NTRK2: variants seen among roughly 807,000 people sequenced by gnomAD.
The protein encoded by NTRK2 is BDNF/NT-3 growth factors receptor.
NTRK2 carries 13 observed loss-of-function variants against 94.5 expected under a neutral mutation model. The ratio of observed to expected loss-of-function variants is 0.14; its 90% confidence interval spans 0.09 to 0.22. NTRK2 has a LOEUF of 0.22. NTRK2 is among the 10% of genes least tolerant of loss of function. The pLI is 1.00. For synonymous variants in NTRK2, 372 were observed against 407.4 expected (o/e 0.91, Z 1.05); for missense variants, 639 against 1,071.2 (o/e 0.60, Z 5.63).
At chr9:84,866,392 C>A (rs1050149580) in intron 13 of NTRK2, among the ~76,000 whole-genome samples, 1 of 152,064 alleles carries the variant, frequency 6.6e-6, no homozygotes. Context: ...GCATATAAGT[C>A]GATGTAGAGG....
At chr9:84,964,304 G>C (rs534931674) in intron 17 of NTRK2, among the ~76,000 whole-genome samples, 2 of 152,282 alleles carry the variant, frequency 1.3e-5, no homozygotes, top group East Asian at 3.9e-4. Flanking sequence ...GCTTACTTTA[G>C]GGCTTATTTC....
intron 12 of NTRK2, among the ~76,000 whole-genome samples, chr9:84,795,385 C>T (rs186758038): frequency 6.6e-6 from 1 of 152,304 alleles, no homozygotes; most frequent in East Asian, 1.9e-4. Context: ...ACGTCTGTGC[C>T]TCTTTTGGGG....
intron 17 of NTRK2, among the ~76,000 whole-genome samples, chr9:84,990,557 CA>C (rs2133311755): frequency 6.6e-6 from 1 of 152,278 alleles, no homozygotes; most frequent in African/African-American, 2.4e-5. Flanking sequence ...CAGATAAAGG[CA>C]TGGTGGAATT....
At chr9:84,695,859 T>C (rs1417426660) in intron 2 of NTRK2, among the ~76,000 whole-genome samples, 1 of 152,218 alleles carries the variant, frequency 6.6e-6, no homozygotes, top group Non-Finnish European at 1.5e-5. Flanking sequence ...GCTCATCATA[T>C]CCTGTGGCAG....
chr9:84,805,617 G>C (rs969826544), intron 12 of NTRK2, among the ~76,000 whole-genome samples: 2 of 152,208 alleles, frequency 1.3e-5, no homozygotes, highest in Admixed American at 1.3e-4. Flanking sequence ...GGGTTGTTGA[G>C]TACACTGAAG....
Position 84,702,433 on chromosome 9 carries a change from G to T in NTRK2, c.359+14G>T. The T allele has an allele frequency of 6.2e-7, 1 of 1,609,260 alleles. No homozygotes were observed. The highest frequency in any genetic ancestry group is 1.1e-5 in the South Asian group (1 of 90,954). ...CCTGCAGCACATGTAAGTAGAGATT[G>T]ATTCTTTTGCTTCCCAGGACCCATT... On this transcript the variant is annotated intron_variant, in intron 4 of 18. Transcript: ENST00000277120.
intron 2 of NTRK2, among the ~76,000 whole-genome samples, chr9:84,701,819 C>T (rs1216483043): frequency 6.6e-6 from 1 of 152,182 alleles, no homozygotes; most frequent in Non-Finnish European, 1.5e-5. Flanking sequence ...AGAGTGGAAA[C>T]ACCTTTGAGA....
At chr9:85,005,308 G>C (rs368579212) in intron 17 of NTRK2, among the ~76,000 whole-genome samples, 39 of 152,246 alleles carry the variant, frequency 2.6e-4, no homozygotes, top group African/African-American at 9.1e-4. Context: ...AAAATGAAAG[G>C]CAGATGCAAA....
At chr9:84,684,483 T>G (rs2059590215) in intron 2 of NTRK2, among the ~76,000 whole-genome samples, 1 of 152,234 alleles carries the variant, frequency 6.6e-6, no homozygotes, top group Non-Finnish European at 1.5e-5. Flanking sequence ...TTGTCAGGTT[T>G]GTGAAAGATC....
chr9:84,741,146 T>TA (rs57485814), intron 9 of NTRK2, among the ~76,000 whole-genome samples: 118,091 of 152,032 alleles, frequency 0.78, 46,030 homozygotes, highest in East Asian at 0.89. Flanking sequence ...GATGCTGAGT[T>TA]AAAAAAATGT....
intron 2 of NTRK2, among the ~76,000 whole-genome samples, chr9:84,694,099 A>C (rs957063100): frequency 2.6e-5 from 4 of 152,180 alleles, no homozygotes; most frequent in Non-Finnish European, 5.9e-5. Context: ...CTGGATTTAC[A>C]AGTCCCCAGT....
intron 14 of NTRK2, chr9:84,876,863 G>A (rs2076086294): frequency 2.3e-5 from 24 of 1,062,626 alleles, no homozygotes; most frequent in Non-Finnish European, 2.6e-5. Flanking sequence ...TCCCTTTTAG[G>A]AGTCTTTGTT....
At chr9:84,805,409 CT>C (rs1166096459) in intron 12 of NTRK2, among the ~76,000 whole-genome samples, 2 of 152,158 alleles carry the variant, frequency 1.3e-5, no homozygotes, top group Non-Finnish European at 2.9e-5. Flanking sequence ...AGTCTAGCAC[CT>C]TTTCCCCAGT....
intron 17 of NTRK2, among the ~76,000 whole-genome samples, chr9:84,982,904 G>A (rs1827828536): frequency 1.3e-5 from 2 of 152,214 alleles, no homozygotes; most frequent in East Asian, 3.9e-4. Context: ...AAATATGTAT[G>A]TATTCAGCAG....
At chr9:84,790,141 C>A (rs2068580071) in intron 12 of NTRK2, among the ~76,000 whole-genome samples, 1 of 152,172 alleles carries the variant, frequency 6.6e-6, no homozygotes, top group South Asian at 2.1e-4. Context: ...TATGCCAGTA[C>A]TCTCTCAGAG....
At chr9:84,916,413 A>G (rs1021383639) in intron 14 of NTRK2, among the ~76,000 whole-genome samples, 2 of 152,226 alleles carry the variant, frequency 1.3e-5, no homozygotes, top group African/African-American at 4.8e-5. Context: ...TCTTCATCCT[A>G]GTACTCAGGA....
rs1406437707 is a variant in NTRK2 at position 84,929,521 on chromosome 9, T to C, written c.1634-4641T>C. ...TAAATTAAGTGATTGTTTTGAGTTT[T>C]CCTTCAAATCTAGGAAGTCATTCAT... On this transcript the variant is annotated intron_variant, in intron 14 of 18. Coordinates refer to ENST00000277120, the MANE Select transcript of NTRK2 (RefSeq NM_006180.6). 5.9e-5 allele frequency among the ~76,000 whole-genome samples: 9 copies of C among 152,144 alleles called. No individual in the cohort carries two copies. In the East Asian group the frequency reaches 1.5e-3, roughly 26 times the overall value.
At position 84,960,901 on chromosome 9, in the gene NTRK2, T is replaced by C. The variant is rs530172089; in HGVS notation, c.2172+5384T>C. Among the ~76,000 whole-genome samples the C allele has an allele frequency of 6.6e-5, 10 of 152,286 alleles. No individual in the cohort carries two copies. The East Asian group carries it at 1.9e-3, about 29-fold the overall frequency. On this transcript the variant is annotated intron_variant, in intron 17 of 18. Coordinates refer to ENST00000277120, the MANE Select transcript of NTRK2 (RefSeq NM_006180.6). Reference sequence around the variant, plus strand: ...TATGAGGTGGTCAGTACATGATTGTTGAACAGGACTCCCACCAGGACTCCC... The same window carrying C: ...TATGAGGTGGTCAGTACATGATTGTCGAACAGGACTCCCACCAGGACTCCC...
At chr9:84,962,619 A>G (rs774376805) in intron 17 of NTRK2, among the ~76,000 whole-genome samples, 1 of 152,154 alleles carries the variant, frequency 6.6e-6, no homozygotes, top group Non-Finnish European at 1.5e-5. Flanking sequence ...AAAAGTGGAC[A>G]TTGCCCATTG....
Sources: gnomAD v4.1 joint callset for allele counts (sites outside exome capture counted in the v4.1 genomes callset) on GRCh38, gnomAD v4.1.1 for gene constraint, MANE v1.5 for transcripts, NCBI Gene and HGNC (gene_info 2026-07-23, HGNC 2026-07-21) for gene names.